Variants in FAT1 observed in about 807,000 individuals in gnomAD.
FAT1 encodes the protein protocadherin Fat 1.
Under a neutral mutation model 329.8 loss-of-function variants are expected in FAT1, and 171 were observed. The observed-to-expected ratio is 0.52, with a 90% CI of 0.46 to 0.59. FAT1 has a LOEUF of 0.59. FAT1 is among the 20% of genes least tolerant of loss of function. The pLI, the probability that FAT1 is intolerant of heterozygous loss-of-function variation, is 0.00. For synonymous variants in FAT1, 2,233 were observed against 2,228.6 expected (o/e 1.00, Z -0.06); for missense variants, 5,672 against 5,774.4 (o/e 0.98, Z 0.57).
chr4:186,615,476 G>C (rs1739667699), intron 11 of FAT1, among the ~76,000 whole-genome samples: 1 of 152,072 alleles, frequency 6.6e-6, no homozygotes, highest in South Asian at 2.1e-4. Context: ...TCCTGGCCCA[G>C]CACATTCCTC....
chr4:186,641,418 A>G (rs907298505), intron 3 of FAT1, among the ~76,000 whole-genome samples: 2 of 152,298 alleles, frequency 1.3e-5, no homozygotes, highest in Non-Finnish European at 2.9e-5. Flanking sequence ...TCAAAAATGT[A>G]CCATCCTCTC....
In FAT1 at chr4:186,620,281, T is replaced by C. The variant is rs747386344; in HGVS notation, c.6305A>G (p.Tyr2102Cys). ...ACTGTCTCTGTCTACAGCAGTGACA[T>C]AGCGAATGACATGGCCCACCTCAGT... ...VDTEVGHVIR[Y>C]VTAVDRDSGR... Residue 2102 changes from tyrosine to cysteine, a missense_variant, in exon 10 of 27, where the codon TAT (tyrosine) becomes TGT (cysteine). Physicochemically the swap from Tyr to Cys is radical, Grantham distance 194. Coordinates refer to ENST00000441802, the MANE Select transcript of FAT1 (RefSeq NM_005245.4). The C allele has an allele frequency of 4.3e-6, 7 of 1,613,842 alleles. No individual in the cohort carries two copies. The highest frequency in any genetic ancestry group is 4.0e-5 in the African/African-American group (3 of 74,896).
intron 3 of FAT1, among the ~76,000 whole-genome samples, chr4:186,652,023 A>C (rs1161478800): frequency 6.6e-6 from 1 of 152,238 alleles, no homozygotes; most frequent in Non-Finnish European, 1.5e-5. Context: ...TCAAACTTTC[A>C]GAGTTCCAAA....
intron 26 of FAT1, chr4:186,590,637 G>T (rs1426042390): frequency 1.8e-5 from 8 of 456,408 alleles, no homozygotes; most frequent in Non-Finnish European, 1.3e-5. Flanking sequence ...TGAGGAACCA[G>T]AAATTTGGCC....
intron 9 of FAT1, among the ~76,000 whole-genome samples, chr4:186,624,356 A>T (rs1334405201): frequency 6.6e-6 from 1 of 152,182 alleles, no homozygotes; most frequent in Admixed American, 6.5e-5. Flanking sequence ...CACACACTGG[A>T]TGTTCAGCTG....
At chr4:186,671,707 A>T (rs1742739260) in intron 2 of FAT1, among the ~76,000 whole-genome samples, 2 of 148,064 alleles carry the variant, frequency 1.4e-5, no homozygotes, top group South Asian at 4.2e-4. Context: ...TCAAAAAAAA[A>T]TAAAAATAAA....
intron 3 of FAT1, among the ~76,000 whole-genome samples, chr4:186,651,672 G>C (rs1404538981): frequency 6.6e-6 from 1 of 152,180 alleles, no homozygotes; most frequent in Non-Finnish European, 1.5e-5. Context: ...TCCACCGGCA[G>C]GGAGGCGTCA....
At chr4:186,687,911 T>G (rs1305530359) in intron 2 of FAT1, among the ~76,000 whole-genome samples, 1 of 152,180 alleles carries the variant, frequency 6.6e-6, no homozygotes, top group Non-Finnish European at 1.5e-5. Flanking sequence ...AAGGCATCTT[T>G]GTGCAGGTAC....
intron 7 of FAT1, 54 bp from the exon 8 acceptor site, chr4:186,628,817 A>G (rs1240836160): frequency 6.5e-7 from 1 of 1,533,248 alleles, no homozygotes; most frequent in Non-Finnish European, 8.8e-7. Context: ...GAATGTTTTA[A>G]TACTTAAAGA....
intron 2 of FAT1, among the ~76,000 whole-genome samples, chr4:186,673,690 C>A (rs531951096): frequency 1.8e-4 from 27 of 152,324 alleles, no homozygotes; most frequent in Middle Eastern, 3.4e-3. Flanking sequence ...AGCTTTCTGA[C>A]TTGCAAACTT....
chr4:186,597,572 T>C (rs1738591994), intron 24 of FAT1, 110 bp downstream of exon 24: 1 of 722,586 alleles, frequency 1.4e-6, no homozygotes, highest in Non-Finnish European at 2.4e-6. Flanking sequence ...ATATGAGGAT[T>C]ATCAAAATCT....
intron 25 of FAT1, 38 bp from the exon 26 acceptor site, chr4:186,595,864 A>C: frequency 6.2e-7 from 1 of 1,610,608 alleles, no homozygotes; most frequent in South Asian, 1.1e-5. Context: ...TATATGGGCC[A>C]AGACGGTTTT....
At chr4:186,663,203 A>G (rs1314934912) in intron 3 of FAT1, 96 bp downstream of exon 3, 2 of 996,552 alleles carry the variant, frequency 2.0e-6, no homozygotes, top group Admixed American at 5.5e-5. Context: ...TTTATCAAGA[A>G]ACAAAAGTAT....
rs912632959 is a variant in FAT1 at position 186,663,646 on chromosome 4, C to T, written c.3266-33G>A. 1.2e-5 allele frequency: 18 copies of T among 1,529,466 alleles called. No individual in the cohort carries two copies. In the Middle Eastern group the frequency reaches 8.5e-4, roughly 72 times the overall value. 94.7% of individuals were successfully genotyped at this position (1,529,466 alleles called of 1,614,324 possible). ...GAAAAAAGAAAAGCGTAAAGCAGCA[C>T]ATCAACGACCAAAACTGCCAGCTTC... On this transcript the variant is annotated intron_variant, in intron 2 of 26. Coordinates refer to ENST00000441802, the MANE Select transcript of FAT1 (RefSeq NM_005245.4).
At position 186,636,568 on chromosome 4, in the gene FAT1, C is replaced by T. The variant is rs2126562360; in HGVS notation, c.3972+17G>A. 6.3e-7 allele frequency: 1 copy of T among 1,581,824 alleles called. No individual in the cohort carries two copies. Among genetic ancestry groups the T allele is most frequent in the Non-Finnish European group, 8.6e-7 (1 of 1,164,994 alleles). On this transcript the variant is annotated intron_variant, in intron 5 of 26. Transcript: ENST00000441802. ...TCACAACATATGAAAAATTACAGTACTACAATCTTAACTCACTGAAAGAAT... is the reference window on the plus strand; with the variant it reads ...TCACAACATATGAAAAATTACAGTATTACAATCTTAACTCACTGAAAGAAT...
At position 186,601,446 on chromosome 4, in the gene FAT1, A is replaced by G. The variant is rs538843096; in HGVS notation, c.11483-20T>C. ...AACTCCCTGTGAATCACACAGAGGA[A>G]AAAATAAACCAGAACCAAGTTTAAG... On this transcript the variant is annotated intron_variant, in intron 20 of 26. Transcript: ENST00000441802. The G allele has an allele frequency of 2.5e-6, 4 of 1,593,752 alleles. No individual in the cohort carries two copies. Among genetic ancestry groups the G allele is most frequent in the African/African-American group, 1.3e-5 (1 of 74,792 alleles).
In FAT1 at chr4:186,708,674, G is replaced by C; in HGVS notation, c.1154C>G (p.Pro385Arg). 1 of 1,613,890 alleles carries C rather than the reference G, an allele frequency of 6.2e-7. No homozygotes were observed. Among genetic ancestry groups the C allele is most frequent in the Non-Finnish European group, 8.5e-7 (1 of 1,179,884 alleles). Residue 385 changes from proline to arginine, a missense_variant, in exon 2 of 27, where the codon CCT becomes CGT. Around this residue, in one of 2 missense-constraint regions of FAT1, gnomAD observed 3,966 missense variants for 3,915.2 expected, o/e 1.01. Transcript: ENST00000441802. Reference protein sequence around the residue: ...EISEFAPPNTPVVMVKAIPAY... With the variant: ...EISEFAPPNTRVVMVKAIPAY... ...AGGAATGGCCTTTACCATGACCACA[G>C]GTGTGTTGGGAGGAGCAAATTCACT...
Position 186,707,553 on chromosome 4 carries a change from C to T in FAT1, c.2275G>A (p.Gly759Arg), listed in dbSNP as rs1744694399. ...ATCATGAAGCAACTATCCTCATTTC[C>T]TCCAGAAACAGCATAGACCAGTTTT... Reference protein sequence around the residue: ...NGKLVYAVSGGNEDSCFMIDM... With the variant: ...NGKLVYAVSGRNEDSCFMIDM... Residue 759 changes from glycine to arginine, a missense_variant, in exon 2 of 27, where the codon GGA (glycine) becomes AGA (arginine). Around this residue, in one of 2 missense-constraint regions of FAT1, gnomAD observed 3,966 missense variants for 3,915.2 expected, o/e 1.01. Transcript: ENST00000441802. The T allele has an allele frequency of 1.9e-6, 3 of 1,613,824 alleles. No homozygotes were observed. The highest frequency in any genetic ancestry group is 2.5e-6 in the Non-Finnish European group (3 of 1,179,896).
In FAT1 at chr4:186,708,312, T is replaced by C. The variant is rs2126695505; in HGVS notation, c.1516A>G (p.Asn506Asp). ...TGGTCAATCGCAAACGGCACATGAT[T>C]TAAATTTGCGATACTGTATGTCACG... ...GYVTYSIANL[N>D]HVPFAIDHFT... Residue 506 changes from asparagine (N) to aspartate (D), a missense_variant, in exon 2 of 27, where the codon AAT becomes GAT. This residue lies in a region of FAT1 where 3,966 missense variants were observed against 3,915.2 expected (regional missense o/e 1.01). Transcript: ENST00000441802. 4.3e-6 allele frequency: 7 copies of C among 1,613,928 alleles called. No individual in the cohort carries two copies. Among genetic ancestry groups the C allele is most frequent in the Non-Finnish European group, 5.9e-6 (7 of 1,179,854 alleles).
Sources: gnomAD v4.1 joint callset for allele counts (sites outside exome capture counted in the v4.1 genomes callset) on GRCh38, gnomAD v4.1.1 for gene constraint, gnomAD v4.1.1 regional missense constraint, MANE v1.5 for transcripts, NCBI Gene and HGNC (gene_info 2026-07-23, HGNC 2026-07-21) for gene names.